ERC1: variants seen among roughly 807,000 people sequenced by gnomAD.
ERC1 encodes RAB6 interacting protein 2.
A neutral mutation model predicts 132.0 loss-of-function variants in ERC1; 56 were observed. The ratio of observed to expected loss-of-function variants is 0.42; its 90% confidence interval spans 0.34 to 0.53. The LOEUF (loss-of-function observed/expected upper bound fraction) is 0.53, where lower values mean the gene tolerates loss of function less well. ERC1 is among the 20% of genes least tolerant of loss of function. The pLI is 0.03. For missense variants in ERC1, 1,202 were observed against 1,349.9 expected, an observed-to-expected ratio of 0.89 and a Z score of 1.72; for synonymous variants, 478 against 476.1, an observed-to-expected ratio of 1.00 and a Z score of -0.05.
intron 2 of ERC1, among the ~76,000 whole-genome samples, chr12:1,029,808 C>T (rs1458147126): frequency 7.9e-5 from 11 of 139,250 alleles, no homozygotes; most frequent in South Asian, 4.6e-4. Flanking sequence ...AGTACAGTGA[C>T]GCAATCTCAG....
chr12:1,239,587 G>C (rs1026343392), intron 13 of ERC1, among the ~76,000 whole-genome samples: 1 of 152,142 alleles, frequency 6.6e-6, no homozygotes, highest in Non-Finnish European at 1.5e-5. Context: ...GCAGGATGGT[G>C]TACACGTACG....
chr12:1,447,541 C>CA (rs1367127142), intron 18 of ERC1, among the ~76,000 whole-genome samples: 10 of 142,900 alleles, frequency 7.0e-5, no homozygotes, highest in Admixed American at 4.1e-4. Context: ...GCAACAACAA[C>CA]AACAAAAAAA....
At chr12:1,053,569 T>C (rs1342326050) in intron 2 of ERC1, among the ~76,000 whole-genome samples, 1 of 152,238 alleles carries the variant, frequency 6.6e-6, no homozygotes, top group Non-Finnish European at 1.5e-5. Flanking sequence ...AAAATCCTTG[T>C]ATAGCTTCAA....
rs190835396 is a variant in ERC1 at position 1,232,496 on chromosome 12, C to T, written c.2352-4273C>T. ...GTATGCTTTTGTCGTTTTTAATTCA[C>T]TTTTCTCTTTAGTTTCTCTAACTGG... On this transcript the variant is annotated intron_variant, in intron 12 of 18. Transcript: ENST00000360905. 1.6e-3 allele frequency among the ~76,000 whole-genome samples: 246 copies of T among 152,254 alleles called. 1 individual carries two copies. Among genetic ancestry groups the T allele is most frequent in the Middle Eastern group, 6.8e-3 (2 of 294 alleles).
intron 16 of ERC1, among the ~76,000 whole-genome samples, chr12:1,399,243 C>T (rs527525997): frequency 2.6e-5 from 4 of 152,076 alleles, no homozygotes; most frequent in East Asian, 1.9e-4. Context: ...TGAGCCATCA[C>T]GCCTGCCCTC....
chr12:1,207,985 A>G (rs1462813044), intron 12 of ERC1, among the ~76,000 whole-genome samples: 2 of 152,176 alleles, frequency 1.3e-5, no homozygotes, highest in African/African-American at 4.8e-5. Flanking sequence ...CCCCCATCTC[A>G]GTAAAACGAC....
intron 7 of ERC1, among the ~76,000 whole-genome samples, chr12:1,140,306 T>G: frequency 6.6e-6 from 1 of 152,178 alleles, no homozygotes; most frequent in East Asian, 1.9e-4. Flanking sequence ...CAGTATTGCT[T>G]CTCAGATACC....
chr12:1,219,635 C>CTCTTT (rs1555312681), intron 12 of ERC1, among the ~76,000 whole-genome samples: 7,756 of 140,704 alleles, frequency 0.055, 506 homozygotes, highest in African/African-American at 0.16. Context: ...ACTGAACTCT[C>CTCTTT]TTTTTTTTTT....
At position 1,176,884 on chromosome 12, in the gene ERC1, C is replaced by G. The variant is rs539851176; in HGVS notation, c.1738-3656C>G. Among the ~76,000 whole-genome samples, 7 of 152,338 alleles carry G rather than the reference C, an allele frequency of 4.6e-5. No homozygotes were observed. The South Asian group carries it at 1.5e-3, about 32-fold the overall frequency. On this transcript the variant is annotated intron_variant, in intron 8 of 18. Transcript: ENST00000360905. ...AACTTCAATGGCAAAACTGCCATTA[C>G]TTTTGCACCAACCAAATACATTGAA...
At chr12:1,418,593 TTCTTTCTTTCTTTC>T in intron 17 of ERC1, among the ~76,000 whole-genome samples, 1 of 19,856 alleles carries the variant, frequency 5.0e-5, no homozygotes, top group East Asian at 5.6e-3. Context: ...TTCTTTCTCT[TTCTTTCTTTCTTTC>T]TTTCTTTCTT....
intron 12 of ERC1, among the ~76,000 whole-genome samples, chr12:1,211,161 A>T (rs61914332): frequency 0.43 from 65,311 of 151,932 alleles, 15,765 homozygotes; most frequent in African/African-American, 0.66. Context: ...ATATATATAT[A>T]TTTTGAGACA....
intron 15 of ERC1, among the ~76,000 whole-genome samples, chr12:1,353,764 TTGTTTACTGC>T (rs2085262078): frequency 6.6e-6 from 1 of 152,234 alleles, no homozygotes; most frequent in Non-Finnish European, 1.5e-5. Context: ...CTCTTTCCAC[TTGTTTACTGC>T]TGTTTACTGC....
intron 16 of ERC1, among the ~76,000 whole-genome samples, chr12:1,401,125 CG>C (rs1353747460): frequency 1.2e-3 from 178 of 149,718 alleles, no homozygotes; most frequent in African/African-American, 4.2e-3. Context: ...TTAGTAGAGA[CG>C]GGGTTTCACG....
intron 16 of ERC1, among the ~76,000 whole-genome samples, chr12:1,384,464 A>G (rs1401848040): frequency 6.6e-6 from 1 of 152,266 alleles, no homozygotes; most frequent in Non-Finnish European, 1.5e-5. Flanking sequence ...TCATGTATAC[A>G]TAGACAAGAT....
At chr12:1,041,827 T>TC in intron 2 of ERC1, among the ~76,000 whole-genome samples, 1 of 152,330 alleles carries the variant, frequency 6.6e-6, no homozygotes, top group African/African-American at 2.4e-5. Flanking sequence ...TTCTTGACCC[T>TC]TAGAGAGGTT....
chr12:1,309,601 C>T (rs2081138241), intron 15 of ERC1, among the ~76,000 whole-genome samples: 1 of 152,030 alleles, frequency 6.6e-6, no homozygotes, highest in African/African-American at 2.4e-5. Context: ...CTGTACCTTC[C>T]CCCTTCTCTC....
At chr12:1,468,195 A>C (rs1439938779) in intron 18 of ERC1, among the ~76,000 whole-genome samples, 1 of 152,248 alleles carries the variant, frequency 6.6e-6, no homozygotes, top group Non-Finnish European at 1.5e-5. Context: ...TACAACTAGC[A>C]AGAAGGTAAA....
chr12:1,010,548 T>C lies in ERC1; in HGVS notation c.-156-17200T>C, dbSNP rs557517827. ...TTTTTGACAGAGAGTTTCATTCTTGTTGCCCAGGCTGTAGTGCAATGGCAT... is the reference window on the plus strand; with the variant it reads ...TTTTTGACAGAGAGTTTCATTCTTGCTGCCCAGGCTGTAGTGCAATGGCAT... On this transcript the variant is annotated intron_variant, in intron 1 of 18. Transcript: ENST00000360905. 7.3e-5 allele frequency among the ~76,000 whole-genome samples: 11 copies of C among 150,910 alleles called. No homozygotes were observed. In the South Asian group the frequency reaches 2.3e-3, roughly 32 times the overall value.
In ERC1 at chr12:1,428,734, G is replaced by A. The variant is rs77643888; in HGVS notation, c.3025-15828G>A. 1.1e-4 allele frequency among the ~76,000 whole-genome samples: 16 copies of A among 152,266 alleles called. No homozygotes were observed. The East Asian group carries it at 2.3e-3, about 22-fold the overall frequency. ...CTTTCATTCACTTGTCCTCAGCTCC[G>A]CGCTGATTTGTTCTTCAGGATTACT... On this transcript the variant is annotated intron_variant, in intron 17 of 18. Coordinates refer to ENST00000360905, the MANE Select transcript of ERC1 (RefSeq NM_178040.4).
Sources: allele counts gnomAD v4.1 joint callset (sites outside exome capture counted in the v4.1 genomes callset), GRCh38; gene constraint gnomAD v4.1.1; transcripts MANE v1.5; gene names NCBI Gene and HGNC (gene_info 2026-07-23, HGNC 2026-07-21).